VWC2L: variants seen among roughly 807,000 people sequenced by gnomAD.
VWC2L encodes von Willebrand factor C domain-containing protein 2-like.
In VWC2L, 10 loss-of-function variants were observed where a neutral mutation model predicts 21.6. That is an observed-to-expected ratio of 0.46 (90% CI 0.29 to 0.78). VWC2L has a LOEUF of 0.78. Ranked by LOEUF, VWC2L falls within the 30% of genes least tolerant of loss-of-function variation. The pLI is 0.10. For synonymous variants in VWC2L, 96 were observed against 94.3 expected, an observed-to-expected ratio of 1.02 and a Z score of -0.10; for missense variants, 209 against 277.1, an observed-to-expected ratio of 0.75 and a Z score of 1.74.
chr2:214,569,917 A>G (rs953141648), intron 3 of VWC2L, among the ~76,000 whole-genome samples: 1 of 152,174 alleles, frequency 6.6e-6, no homozygotes, highest in Non-Finnish European at 1.5e-5. Flanking sequence ...CAGGGTGGCT[A>G]TCAACTTCCT....
chr2:214,507,809 A>AC (rs1688988404), intron 3 of VWC2L, among the ~76,000 whole-genome samples: 2 of 152,190 alleles, frequency 1.3e-5, no homozygotes. Context: ...GCTAGATGGC[A>AC]CATAGCCTGC....
chr2:214,425,169 T>C (rs935437019), intron 2 of VWC2L, among the ~76,000 whole-genome samples: 2 of 152,210 alleles, frequency 1.3e-5, no homozygotes, highest in African/African-American at 4.8e-5. Context: ...TGCTGATCCT[T>C]GCCTAATCTG....
chr2:214,567,577 C>G (rs866822859), intron 3 of VWC2L, among the ~76,000 whole-genome samples: 4,135 of 73,468 alleles, frequency 0.056, 179 homozygotes, highest in African/African-American at 0.1. Flanking sequence ...CACACACACA[C>G]ACACACACAC....
At chr2:214,520,137 AG>A (rs903688238) in intron 3 of VWC2L, among the ~76,000 whole-genome samples, 42 of 151,240 alleles carry the variant, frequency 2.8e-4, no homozygotes, top group South Asian at 1.3e-3. Context: ...TCAAAATTTG[AG>A]GGAAAAAAAT....
At chr2:214,511,574 G>C (rs1574606718) in intron 3 of VWC2L, among the ~76,000 whole-genome samples, 1 of 152,122 alleles carries the variant, frequency 6.6e-6, no homozygotes, top group Non-Finnish European at 1.5e-5. Flanking sequence ...ACTGAAAGGA[G>C]AGTTGTCATT....
At chr2:214,522,184 G>A (rs916752384) in intron 3 of VWC2L, among the ~76,000 whole-genome samples, 1 of 151,904 alleles carries the variant, frequency 6.6e-6, no homozygotes, top group Non-Finnish European at 1.5e-5. Context: ...GACCACCCTG[G>A]CTAACACGGT....
intron 3 of VWC2L, among the ~76,000 whole-genome samples, chr2:214,523,322 A>G (rs1458130334): frequency 6.6e-6 from 1 of 152,168 alleles, no homozygotes; most frequent in Non-Finnish European, 1.5e-5. Flanking sequence ...AAATCTGATC[A>G]CATTTTGCTT....
chr2:214,447,889 T>C (rs367642000), intron 3 of VWC2L, among the ~76,000 whole-genome samples: 30 of 152,106 alleles, frequency 2.0e-4, no homozygotes, highest in African/African-American at 6.5e-4. Flanking sequence ...TTCCCAGCAG[T>C]CACTGTCTTA....
At chr2:214,478,825 A>T (rs575675640) in intron 3 of VWC2L, among the ~76,000 whole-genome samples, 1 of 152,154 alleles carries the variant, frequency 6.6e-6, no homozygotes, top group Non-Finnish European at 1.5e-5. Flanking sequence ...ACTTGCCCTC[A>T]TTATTTCCCC....
rs201562491 is a variant in VWC2L at position 214,514,579 on chromosome 2, GC to G, written c.521-61092del. 8.1e-3 allele frequency among the ~76,000 whole-genome samples: 1,237 copies of G among 152,258 alleles called. 8 individuals carry two copies. Among genetic ancestry groups the G allele is most frequent in the Middle Eastern group, 0.024 (7 of 294 alleles). On this transcript the variant is annotated intron_variant, in intron 3 of 3. Transcript: ENST00000312504. The stretch of plus-strand genomic sequence containing the variant: ...TTGCGAAGGGGCAACATTTTGCCAA[GC>G]AGACAGTATAGTAAGAGGAAATCAT...
chr2:214,557,596 G>T (rs573454976), intron 3 of VWC2L, among the ~76,000 whole-genome samples: 2 of 152,098 alleles, frequency 1.3e-5, no homozygotes, highest in Non-Finnish European at 2.9e-5. Flanking sequence ...TATATTAGGC[G>T]TCCCCAGTCA....
chr2:214,458,133 T>C (rs1313326081), intron 3 of VWC2L, among the ~76,000 whole-genome samples: 3 of 152,102 alleles, frequency 2.0e-5, no homozygotes, highest in African/African-American at 7.2e-5. Context: ...TCACTCATCA[T>C]TGGTCTATTC....
intron 2 of VWC2L, among the ~76,000 whole-genome samples, chr2:214,416,364 TCTAATTAATCCCTA>T (rs1305051737): frequency 6.6e-6 from 1 of 152,082 alleles, no homozygotes; most frequent in Non-Finnish European, 1.5e-5. Flanking sequence ...CCTACTATAA[TCTAATTAATCCCTA>T]CTACTTCTTT....
chr2:214,414,517 G>A lies in VWC2L; in HGVS notation c.324G>A (p.Glu108=), dbSNP rs768081233. 73 of 1,612,502 alleles carry A rather than the reference G, an allele frequency of 4.5e-5. No individual in the cohort carries two copies. The highest frequency in any genetic ancestry group is 6.7e-5 in the Admixed American group (4 of 59,544). ...TGGAACACAATGGATGCTGTCCTGA[G>A]TGCAAAGAAGTAAAAAACTTCTGTG... The part of the protein sequence containing the change: ...TKVEHNGCCP[E]CKEVKNFCEY... The change falls in exon 2 of 4, where the codon GAG becomes GAA. Residue 108 remains glutamate, a synonymous_variant. Coordinates refer to ENST00000312504, the MANE Select transcript of VWC2L (RefSeq NM_001080500.4).
chr2:214,412,374 T>A (rs1476296399), intron 1 of VWC2L, among the ~76,000 whole-genome samples: 1 of 152,134 alleles, frequency 6.6e-6, no homozygotes, highest in Non-Finnish European at 1.5e-5. Flanking sequence ...TTTCTAAATA[T>A]GTGATGTATA....
intron 3 of VWC2L, among the ~76,000 whole-genome samples, chr2:214,522,374 C>CTAA (rs1689256999): frequency 9.7e-6 from 1 of 102,972 alleles, no homozygotes; most frequent in Non-Finnish European, 1.8e-5. Context: ...GACCCCGTCT[C>CTAA]AAAAAAAAAA....
At chr2:214,568,800 C>T (rs1690106466) in intron 3 of VWC2L, among the ~76,000 whole-genome samples, 1 of 152,130 alleles carries the variant, frequency 6.6e-6, no homozygotes, top group Admixed American at 6.6e-5. Flanking sequence ...GTATTTTCTG[C>T]TTAAATTATC....
intron 3 of VWC2L, among the ~76,000 whole-genome samples, chr2:214,478,191 T>C (rs1559302752): frequency 6.6e-6 from 1 of 152,234 alleles, no homozygotes; most frequent in Non-Finnish European, 1.5e-5. Context: ...TCCTATTAAA[T>C]TGTGTTTGTT....
At chr2:214,560,444 C>G (rs2105929085) in intron 3 of VWC2L, among the ~76,000 whole-genome samples, 1 of 152,238 alleles carries the variant, frequency 6.6e-6, no homozygotes, top group South Asian at 2.1e-4. Context: ...GTCCCTTTCC[C>G]TGAGTGAGAA....
Sources: allele counts gnomAD v4.1 joint callset (sites outside exome capture counted in the v4.1 genomes callset), GRCh38; gene constraint gnomAD v4.1.1; transcripts MANE v1.5; gene names NCBI Gene and HGNC (gene_info 2026-07-23, HGNC 2026-07-21).